KCNJ1: variants seen among roughly 807,000 people sequenced by gnomAD.
KCNJ1 encodes ATP-sensitive inward rectifier potassium channel 1.
A neutral mutation model predicts 21.9 loss-of-function variants in KCNJ1; 24 were observed. That is an observed-to-expected ratio of 1.10 (90% CI 0.79 to 1.54). The LOEUF (loss-of-function observed/expected upper bound fraction) is 1.54. Ranked by LOEUF, KCNJ1 falls within the 40% of genes most tolerant of loss-of-function variation. The pLI, the probability that KCNJ1 is intolerant of heterozygous loss-of-function variation, is 0.00. For missense variants in KCNJ1, 457 were observed against 455.4 expected (o/e 1.00, Z -0.03); for synonymous variants, 152 against 160.9 (o/e 0.94, Z 0.42).
intron 1 of KCNJ1, among the ~76,000 whole-genome samples, chr11:128,854,119 C>A (rs1175026754): frequency 7.0e-6 from 1 of 142,236 alleles, no homozygotes; most frequent in Non-Finnish European, 1.5e-5. Context: ...GGGTTGGCAG[C>A]TCCAGGGTGA....
At chr11:128,854,692 C>T (rs1474410471) in intron 1 of KCNJ1, among the ~76,000 whole-genome samples, 1 of 152,180 alleles carries the variant, frequency 6.6e-6, no homozygotes, top group East Asian at 1.9e-4. Context: ...CTGGATGTTC[C>T]TTGCGTACTT....
At chr11:128,861,868 T>A (rs1013813198) in intron 1 of KCNJ1, among the ~76,000 whole-genome samples, 4 of 152,030 alleles carry the variant, frequency 2.6e-5, no homozygotes, top group Non-Finnish European at 5.9e-5. Flanking sequence ...ACGGGTGAGG[T>A]TGAAGTCTAA....
Position 128,839,967 on chromosome 11 carries a change from A to T in KCNJ1, c.277T>A (p.Phe93Ile). ...GGAGTGTGATTGGCAGAAGGATGGA[A>T]TTCCGGGAGGTCTTTGTGAATGTAC... ...VAYIHKDLPE[F>I]HPSANHTPCV... The change falls in exon 3 of 3, where the codon TTC becomes ATC. Residue 93 changes from phenylalanine (F) to isoleucine (I), a missense_variant. Phe to Ile is a conservative substitution (Grantham distance 21). Coordinates refer to ENST00000392666, the MANE Select transcript of KCNJ1 (RefSeq NM_153766.3). The T allele has an allele frequency of 1.2e-5, 20 of 1,614,170 alleles. No individual in the cohort carries two copies. The highest frequency in any genetic ancestry group is 1.7e-5 in the Non-Finnish European group (20 of 1,180,032).
In KCNJ1 at chr11:128,839,650, C is replaced by T. The variant is rs1211287316; in HGVS notation, c.594G>A (p.Arg198=). The change falls in exon 3 of 3, where the codon AGG becomes AGA. Residue 198 remains arginine (R), a synonymous_variant. Transcript: ENST00000392666. ...TGTGACTGCCAATAAGAAGGCTCTTCCTGAGATTAGCCACTCGGATTAGGA... is the reference window on the plus strand; with the variant it reads ...TGTGACTGCCAATAAGAAGGCTCTTTCTGAGATTAGCCACTCGGATTAGGA... The part of the protein sequence containing the change: ...LCLLIRVANL[R]KSLLIGSHIY... 4 of 1,613,644 alleles carry T rather than the reference C, an allele frequency of 2.5e-6. No individual in the cohort carries two copies. Among genetic ancestry groups the T allele is most frequent in the Non-Finnish European group, 2.5e-6 (3 of 1,180,010 alleles).
rs780797435 is a variant in KCNJ1, at chr11:128,839,552, T to C, written c.692A>G (p.Asn231Ser). ...ETIILDQINI[N>S]FVVDAGNENL... is the part of the protein sequence containing the mutation. ...TTCATTCCCAGCGTCAACTACAAAG[T>C]TGATATTGATCTGGTCCAAAATAAT... Residue 231 changes from asparagine (N) to serine (S), a missense_variant, in exon 3 of 3, where the codon AAC (asparagine) becomes AGC (serine). Physicochemically the swap from Asn to Ser is conservative, Grantham distance 46. Coordinates refer to ENST00000392666, the MANE Select transcript of KCNJ1 (RefSeq NM_153766.3). 3 of 1,614,216 alleles carry C rather than the reference T, an allele frequency of 1.9e-6. No individual in the cohort carries two copies. Among genetic ancestry groups the C allele is most frequent in the Non-Finnish European group, 8.5e-7 (1 of 1,180,038 alleles).
intron 1 of KCNJ1, among the ~76,000 whole-genome samples, chr11:128,855,947 G>A (rs539730937): frequency 1.2e-4 from 19 of 152,242 alleles, no homozygotes; most frequent in Non-Finnish European, 1.9e-4. Context: ...GCCTGTGTGA[G>A]CTGCAGAGGA....
chr11:128,859,045 C>T (rs1377443088), intron 1 of KCNJ1, among the ~76,000 whole-genome samples: 1 of 152,110 alleles, frequency 6.6e-6, no homozygotes, highest in Non-Finnish European at 1.5e-5. Flanking sequence ...ATGGTTAGTC[C>T]CTTCTAGGCA....
chr11:128,841,233 G>T (rs533690090), intron 2 of KCNJ1, among the ~76,000 whole-genome samples: 4 of 152,288 alleles, frequency 2.6e-5, no homozygotes, highest in South Asian at 4.1e-4. Flanking sequence ...GAGGACTGGG[G>T]AGCACTGATT....
chr11:128,841,980 T>A (rs1487373865), intron 2 of KCNJ1, among the ~76,000 whole-genome samples: 1 of 152,176 alleles, frequency 6.6e-6, no homozygotes, highest in African/African-American at 2.4e-5. Context: ...CCTTTCCTTG[T>A]ACACACATCC....
chr11:128,840,175 T>C lies in KCNJ1; in HGVS notation c.69A>G (p.Leu23=), dbSNP rs1164227706. The change falls in exon 3 of 3, where the codon CTA becomes CTG. Residue 23 remains leucine, a synonymous_variant. Coordinates refer to ENST00000392666, the MANE Select transcript of KCNJ1 (RefSeq NM_153766.3). ...TGTTGCACCTTCCATCTTTGGAGAC[T>C]AGCCTTGCTCTTTGCCGAGAATGCC... ...FFGHSRQRAR[L]VSKDGRCNIE... The C allele has an allele frequency of 3.9e-5, 63 of 1,614,222 alleles. No individual in the cohort carries two copies. Among genetic ancestry groups the C allele is most frequent in the Non-Finnish European group, 5.3e-5 (63 of 1,180,030 alleles).
At position 128,839,227 on chromosome 11, in the gene KCNJ1, G is replaced by A. The variant is rs771424966; in HGVS notation, c.1017C>T (p.Cys339=). 1.9e-6 allele frequency: 3 copies of A among 1,613,996 alleles called. No individual in the cohort carries two copies. The highest frequency in any genetic ancestry group is 2.5e-6 in the Non-Finnish European group (3 of 1,179,912). Residue 339 remains cysteine (C), a synonymous_variant, in exon 3 of 3, where the codon TGC becomes TGT. Coordinates refer to ENST00000392666, the MANE Select transcript of KCNJ1 (RefSeq NM_153766.3). ...VEVETPHCAM[C]LYNEKDVRAR... ...CTCTAACATCTTTCTCATTATAAAG[G>A]CACATGGCACAGTGAGGGGTCTCCA...
chr11:128,842,387 T>C (rs905572556), intron 2 of KCNJ1: 5 of 1,613,780 alleles, frequency 3.1e-6, no homozygotes, highest in Middle Eastern at 3.3e-4. Context: ...CTTACCAACG[T>C]GTCAAACACA....
At chr11:128,854,432 C>T (rs919530598) in intron 1 of KCNJ1, among the ~76,000 whole-genome samples, 3 of 152,110 alleles carry the variant, frequency 2.0e-5, no homozygotes, top group South Asian at 4.1e-4. Flanking sequence ...CAGAGGCCCA[C>T]GGGCCCATTC....
At chr11:128,845,578 T>C (rs778822503) in intron 2 of KCNJ1, among the ~76,000 whole-genome samples, 3 of 152,194 alleles carry the variant, frequency 2.0e-5, no homozygotes, top group Non-Finnish European at 4.4e-5. Context: ...GAACCTGTAG[T>C]AGACAGAGAG....
chr11:128,865,205 T>TGATCCTACA (rs1318937263), intron 1 of KCNJ1, among the ~76,000 whole-genome samples: 1 of 152,096 alleles, frequency 6.6e-6, no homozygotes, highest in Non-Finnish European at 1.5e-5. Flanking sequence ...CATGCTTCCA[T>TGATCCTACA]GAGGTCCTCT....
chr11:128,842,595 G>A, intron 2 of KCNJ1: 2 of 1,370,620 alleles, frequency 1.5e-6, no homozygotes, highest in South Asian at 3.0e-5. Flanking sequence ...GCAATTGGTT[G>A]TTCTCAGACC....
intron 2 of KCNJ1, among the ~76,000 whole-genome samples, chr11:128,848,800 G>T (rs1163769266): frequency 6.6e-6 from 1 of 152,202 alleles, no homozygotes; most frequent in African/African-American, 2.4e-5. Context: ...GGAAAGTGTT[G>T]CTTTATTGGA....
intron 1 of KCNJ1, among the ~76,000 whole-genome samples, chr11:128,864,543 T>C (rs1943783120): frequency 6.6e-6 from 1 of 152,174 alleles, no homozygotes; most frequent in East Asian, 1.9e-4. Context: ...CAACCACTTT[T>C]TGCTATTTCA....
At chr11:128,856,988 T>C (rs1007847406) in intron 1 of KCNJ1, among the ~76,000 whole-genome samples, 9 of 152,068 alleles carry the variant, frequency 5.9e-5, no homozygotes, top group Non-Finnish European at 1.3e-4. Context: ...TTTCTCAGCT[T>C]CCCCCTGTTC....
Sources: gnomAD v4.1 joint callset for allele counts (sites outside exome capture counted in the v4.1 genomes callset) on GRCh38, gnomAD v4.1.1 for gene constraint, MANE v1.5 for transcripts, NCBI Gene and HGNC (gene_info 2026-07-23, HGNC 2026-07-21) for gene names.